The following BARD1 variants were observed in gnomAD, a reference collection of about 807,000 sequenced individuals.
The protein encoded by BARD1 is BRCA1 associated RING domain 1.
A neutral mutation model predicts 77.0 loss-of-function variants in BARD1; 73 were observed. The ratio of observed to expected loss-of-function variants is 0.95; its 90% CI spans 0.79 to 1.15. The LOEUF is 1.15. Among genes scored for constraint, BARD1 ranks in the 50% most tolerant of loss-of-function variants. BARD1 has a pLI of 0.00. For missense variants in BARD1, 993 were observed against 938.8 expected (o/e 1.06, Z -0.75); for synonymous variants, 384 against 338.0 (o/e 1.14, Z -1.49).
chr2:214,791,053 C>T (rs1381200190), intron 3 of BARD1, among the ~76,000 whole-genome samples: 1 of 152,018 alleles, frequency 6.6e-6, no homozygotes. Context: ...TCAGTGTGTT[C>T]TTAAAAAGGT....
rs1036838204 is a variant in BARD1 at position 214,728,939 on chromosome 2, G to T, written c.2071C>A (p.Leu691Ile). ...CCACCTGCAGTGACGAGCTTAATAAGGTTGTCCTTTGGATGGTGTTTGAAG... is the reference window on the plus strand; with the variant it reads ...CCACCTGCAGTGACGAGCTTAATAATGTTGTCCTTTGGATGGTGTTTGAAG... ...GTFKHHPKDN[L>I]IKLVTAGGGQ... Residue 691 changes from leucine to isoleucine, a missense_variant, in exon 11 of 11, where the codon CTT becomes ATT. Transcript: ENST00000260947. 1.2e-6 allele frequency: 2 copies of T among 1,614,164 alleles called. No homozygotes were observed. The highest frequency in any genetic ancestry group is 2.2e-5 in the East Asian group (1 of 44,884).
At chr2:214,740,027 A>T (rs6435850) in intron 9 of BARD1, among the ~76,000 whole-genome samples, 2 of 152,060 alleles carry the variant, frequency 1.3e-5, no homozygotes, top group East Asian at 3.8e-4. Flanking sequence ...AAAATAGTCT[A>T]TCTCTTGTAT....
chr2:214,805,443 T>G (rs1289367252), intron 1 of BARD1, among the ~76,000 whole-genome samples: 1 of 152,190 alleles, frequency 6.6e-6, no homozygotes, highest in Non-Finnish European at 1.5e-5. Flanking sequence ...CACTGCTCTG[T>G]GAGAATGCCT....
Position 214,751,079 on chromosome 2 carries a change from CTGTGTGTGTGTGTGTG to C in BARD1, c.1677+1352_1677+1367del, listed in dbSNP as rs760986670. 5.0e-3 allele frequency among the ~76,000 whole-genome samples: 198 copies of C among 39,314 alleles called. 7 individuals carry two copies. Among genetic ancestry groups the C allele is most frequent in the Middle Eastern group, 0.022 (2 of 90 alleles). 25.8% of individuals were successfully genotyped at this position (39,314 alleles called of 152,430 possible). On this transcript the variant is annotated intron_variant, in intron 7 of 10. Coordinates refer to ENST00000260947, the MANE Select transcript of BARD1 (RefSeq NM_000465.4). ...TTAGGACACCTTTCTCTGTGAAATT[CTGTGTGTGTGTGTGTG>C]TGTGTGTGTGTGTGTGTGTGTGTAT...
intron 7 of BARD1, among the ~76,000 whole-genome samples, chr2:214,752,174 G>C (rs761346316): frequency 1.3e-5 from 2 of 152,138 alleles, no homozygotes; most frequent in Non-Finnish European, 2.9e-5. Context: ...CCTCTCACCA[G>C]ATGGTAAGCT....
At chr2:214,803,366 G>C (rs920201766) in intron 1 of BARD1, among the ~76,000 whole-genome samples, 12 of 152,188 alleles carry the variant, frequency 7.9e-5, no homozygotes, top group East Asian at 1.9e-4. Context: ...GTTGAGACAA[G>C]AGGAAGGCAT....
chr2:214,758,292 A>G (rs961383423), intron 6 of BARD1, among the ~76,000 whole-genome samples: 2 of 152,192 alleles, frequency 1.3e-5, no homozygotes, highest in African/African-American at 4.8e-5. Context: ...AACACTATCT[A>G]TTTTACAGGA....
chr2:214,772,418 A>C (rs1694544868), intron 4 of BARD1, among the ~76,000 whole-genome samples: 1 of 152,142 alleles, frequency 6.6e-6, no homozygotes, highest in Non-Finnish European at 1.5e-5. Context: ...ACCTTCTCAA[A>C]GATTTCCCCA....
chr2:214,757,103 G>A (rs1292115696), intron 6 of BARD1, among the ~76,000 whole-genome samples: 3 of 152,042 alleles, frequency 2.0e-5, no homozygotes, highest in African/African-American at 2.4e-5. Flanking sequence ...TAAGTTTCCT[G>A]AGGCCCTTCC....
intron 3 of BARD1, among the ~76,000 whole-genome samples, chr2:214,783,236 A>C (rs1403006555): frequency 6.6e-6 from 1 of 152,172 alleles, no homozygotes; most frequent in Non-Finnish European, 1.5e-5. Context: ...GGACCCATGC[A>C]GCTCAAGCCT....
At chr2:214,756,047 T>C (rs1390526540) in intron 6 of BARD1, among the ~76,000 whole-genome samples, 1 of 152,182 alleles carries the variant, frequency 6.6e-6, no homozygotes, top group Non-Finnish European at 1.5e-5. Context: ...TGATTATATG[T>C]AGATAATATA....
chr2:214,785,434 C>G (rs1695227313), intron 3 of BARD1, among the ~76,000 whole-genome samples: 1 of 152,022 alleles, frequency 6.6e-6, no homozygotes, highest in Non-Finnish European at 1.5e-5. Flanking sequence ...CAACCCAGCT[C>G]AGCCCAGCAC....
intron 6 of BARD1, among the ~76,000 whole-genome samples, chr2:214,762,199 A>G (rs1338983069): frequency 1.3e-5 from 2 of 152,212 alleles, no homozygotes; most frequent in African/African-American, 4.8e-5. Flanking sequence ...TGTTTAAAAT[A>G]TTGTATAAAA....
chr2:214,765,976 T>G (rs1574784627), intron 6 of BARD1, among the ~76,000 whole-genome samples: 1 of 152,332 alleles, frequency 6.6e-6, no homozygotes, highest in Admixed American at 6.5e-5. Flanking sequence ...ATTTTATAAT[T>G]CTTATTTGCA....
chr2:214,755,251 G>A (rs1268403146), intron 6 of BARD1, among the ~76,000 whole-genome samples: 1 of 152,048 alleles, frequency 6.6e-6, no homozygotes, highest in Admixed American at 6.6e-5. Flanking sequence ...CTATACAAGG[G>A]AAGAAGACTC....
In BARD1 at chr2:214,791,231, T is replaced by C. The variant is rs1695497279; in HGVS notation, c.364+1066A>G. On this transcript the variant is annotated intron_variant, in intron 3 of 10. Transcript: ENST00000260947. Reference sequence around the variant, plus strand: ...AGCTGAAGGAAAATTTTAATAGGTATAAAGTGATTTAAGTTCTAATTCTTA... The same window carrying C: ...AGCTGAAGGAAAATTTTAATAGGTACAAAGTGATTTAAGTTCTAATTCTTA... 2.6e-5 allele frequency among the ~76,000 whole-genome samples: 4 copies of C among 152,180 alleles called. No individual in the cohort carries two copies. The South Asian group carries it at 8.3e-4, about 31-fold the overall frequency.
In BARD1 at chr2:214,739,489, G is replaced by A. The variant is rs1333128251; in HGVS notation, c.1903+5578C>T. ...TGATTATATTTTAGACTTTTTAGTCGAGTAAACTATAACAGCACTAAACTT... is the reference window on the plus strand; with the variant it reads ...TGATTATATTTTAGACTTTTTAGTCAAGTAAACTATAACAGCACTAAACTT... On this transcript the variant is annotated intron_variant, in intron 9 of 10. Transcript: ENST00000260947. Among the ~76,000 whole-genome samples, 4 of 151,986 alleles carry A rather than the reference G, an allele frequency of 2.6e-5. 1 individual carries two copies. Among genetic ancestry groups the A allele is most frequent in the Admixed American group, 6.6e-5 (1 of 15,254 alleles).
intron 9 of BARD1, among the ~76,000 whole-genome samples, chr2:214,736,585 G>T (rs936684358): frequency 1.3e-5 from 2 of 152,066 alleles, no homozygotes; most frequent in Non-Finnish European, 2.9e-5. Flanking sequence ...CATTTTATGG[G>T]TTTATTTGAC....
At chr2:214,740,577 T>C (rs1324104841) in intron 9 of BARD1, among the ~76,000 whole-genome samples, 1 of 152,068 alleles carries the variant, frequency 6.6e-6, no homozygotes, top group East Asian at 1.9e-4. Context: ...AATTTTGATG[T>C]GTTTAAAATT....
Sources: gnomAD v4.1 joint callset for allele counts (sites outside exome capture counted in the v4.1 genomes callset) on GRCh38, gnomAD v4.1.1 for gene constraint, MANE v1.5 for transcripts, NCBI Gene and HGNC (gene_info 2026-07-23, HGNC 2026-07-21) for gene names.